The following MXRA5 variants were observed in gnomAD, a reference collection of about 807,000 sequenced individuals.
MXRA5 encodes matrix remodeling associated 5, also known as matrix-remodeling-associated protein 5.
Under a neutral mutation model 112.5 loss-of-function variants are expected in MXRA5, and 41 were observed. That is an observed-to-expected ratio of 0.36 (90% CI 0.28 to 0.47). MXRA5 has a LOEUF of 0.47. Ranked by LOEUF, MXRA5 falls within the 20% of genes least tolerant of loss-of-function variation. The pLI is 0.99. For missense variants in MXRA5, 2,150 were observed against 2,251.0 expected (o/e 0.96, Z 0.91); for synonymous variants, 862 against 900.8 (o/e 0.96, Z 0.77).
intron 4 of MXRA5, among the ~76,000 whole-genome samples, chrX:3,327,403 C>A (rs1377190490): frequency 8.9e-6 from 1 of 112,330 alleles, no homozygotes; most frequent in Non-Finnish European, 1.9e-5. Flanking sequence ...CCTTGGCCAG[C>A]TGAATTTCAT....
At position 3,317,756 on chromosome X, in the gene MXRA5, T is replaced by C. The variant is rs773282873; in HGVS notation, c.5925A>G (p.Lys1975=). 19 of 1,207,007 alleles carry C rather than the reference T, an allele frequency of 1.6e-5. No individual in the cohort carries two copies. In the South Asian group the frequency reaches 3.2e-4, roughly 20 times the overall value. The part of the protein sequence containing the change: ...GDTIAMECLA[K]GTPAPQISWI... ...AGGAAATTTGGGGGGCTGGGGTCCCTTTGGCCAGACACTCCATTGCAATGG... is the reference window on the plus strand; with the variant it reads ...AGGAAATTTGGGGGGCTGGGGTCCCCTTGGCCAGACACTCCATTGCAATGG... The change falls in exon 6 of 7, where the codon AAA becomes AAG. Residue 1975 remains lysine (K), a synonymous_variant. Coordinates refer to ENST00000217939, the MANE Select transcript of MXRA5 (RefSeq NM_015419.4).
Position 3,323,209 on chromosome X carries a change from G to T in MXRA5, c.2476C>A (p.Pro826Thr), listed in dbSNP as rs776248085. Residue 826 changes from proline (P) to threonine (T), a missense_variant, in exon 5 of 7, where the codon CCC (proline) becomes ACC (threonine). By Grantham distance (38) the Pro-to-Thr change is conservative. Transcript: ENST00000217939. Reference sequence around the variant, plus strand: ...GTCTGCACAGGAGATGCTGAGGGGGGAGAAATAGCAGGAAAAGGTGGTGTG... The same window carrying T: ...GTCTGCACAGGAGATGCTGAGGGGGTAGAAATAGCAGGAAAAGGTGGTGTG... Reference protein sequence around the residue: ...EVTPPFPAISPPSASPVQTVT... With the variant: ...EVTPPFPAISTPSASPVQTVT... The T allele has an allele frequency of 1.1e-5, 13 of 1,211,363 alleles. No homozygotes were observed. The highest frequency in any genetic ancestry group is 1.5e-5 in the Non-Finnish European group (13 of 895,307).
intron 2 of MXRA5, among the ~76,000 whole-genome samples, chrX:3,340,369 G>C (rs1921886349): frequency 9.0e-6 from 1 of 111,446 alleles, no homozygotes; most frequent in South Asian, 3.8e-4. Flanking sequence ...CAAGATGCCA[G>C]ACTCATTACC....
chrX:3,322,311 G>A lies in MXRA5; in HGVS notation c.3374C>T (p.Thr1125Ile), dbSNP rs1284898378. The A allele has an allele frequency of 1.7e-6, 2 of 1,210,803 alleles. No individual in the cohort carries two copies. The highest frequency in any genetic ancestry group is 1.7e-5 in the African/African-American group (1 of 57,659). Residue 1125 changes from threonine to isoleucine, a missense_variant, in exon 5 of 7, where the codon ACC (threonine) becomes ATC (isoleucine). By Grantham distance (89) the Thr-to-Ile change is moderately conservative (BLOSUM62 -1). This residue lies in a region of MXRA5 where 1,485 missense variants were observed against 1,471.6 expected (regional missense o/e 1.01). Transcript: ENST00000217939. ...CCTTGGTGTTGTTGTTGCTGTTGTGGTGTCTTTGTCTAGGAGGGTACCAAC... is the reference window on the plus strand; with the variant it reads ...CCTTGGTGTTGTTGTTGCTGTTGTGATGTCTTTGTCTAGGAGGGTACCAAC... ...TTVGTLLDKD[T>I]TTATTTPRQK...
intron 2 of MXRA5, among the ~76,000 whole-genome samples, chrX:3,342,393 T>C: frequency 8.9e-6 from 1 of 111,993 alleles, no homozygotes; most frequent in East Asian, 2.8e-4. Flanking sequence ...ACAAAACTAA[T>C]GGGCTTTAGC....
At position 3,317,260 on chromosome X, in the gene MXRA5, G is replaced by A. The variant is rs772595689; in HGVS notation, c.6421C>T (p.Arg2141Cys). 3 of 1,210,045 alleles carry A rather than the reference G, an allele frequency of 2.5e-6. No individual in the cohort carries two copies. The highest frequency in any genetic ancestry group is 3.4e-6 in the Non-Finnish European group (3 of 894,735). ...GTGATGCGCGCGTTGGCTGCTGCACGCTGCACGTTCAGCTGCACCGTCCTG... is the reference window on the plus strand; with the variant it reads ...GTGATGCGCGCGTTGGCTGCTGCACACTGCACGTTCAGCTGCACCGTCCTG... ...ARRTVQLNVQ[R>C]AAANARITGT... The change falls in exon 6 of 7, where the codon CGT (arginine) becomes TGT (cysteine). Residue 2141 changes from arginine (R) to cysteine (C), a missense_variant. By Grantham distance (180) the Arg-to-Cys change is radical (BLOSUM62 -3). This residue lies in a region of MXRA5 where 1,485 missense variants were observed against 1,471.6 expected (regional missense o/e 1.01). Coordinates refer to ENST00000217939, the MANE Select transcript of MXRA5 (RefSeq NM_015419.4).
At chrX:3,326,458 T>C (rs1921511920) in intron 4 of MXRA5, among the ~76,000 whole-genome samples, 1 of 103,520 alleles carries the variant, frequency 9.7e-6, no homozygotes, top group East Asian at 2.9e-4. Context: ...AAATTTGTAA[T>C]ATATAATTTA....
Position 3,311,256 on chromosome X carries a change from A to G in MXRA5, c.6947T>C (p.Met2316Thr), listed in dbSNP as rs1198465173. The G allele has an allele frequency of 2.5e-6, 3 of 1,211,258 alleles. No homozygotes were observed. The Admixed American group carries it at 6.5e-5, about 26-fold the overall frequency. The change falls in exon 7 of 7, where the codon ATG (methionine) becomes ACG (threonine). Residue 2316 changes from methionine (M) to threonine (T), a missense_variant. By Grantham distance (81) the Met-to-Thr change is moderately conservative. Coordinates refer to ENST00000217939, the MANE Select transcript of MXRA5 (RefSeq NM_015419.4). ...GCAGGTGTAGTCTCCTTCCTCCCTCATCCCCACTTCGTTAAAGTAGAGTGT... is the reference window on the plus strand; with the variant it reads ...GCAGGTGTAGTCTCCTTCCTCCCTCGTCCCCACTTCGTTAAAGTAGAGTGT... ...NGTLYFNEVG[M>T]REEGDYTCFA...
Position 3,324,072 on chromosome X carries a change from C to G in MXRA5, c.1613G>C (p.Gly538Ala). 1 of 1,206,068 alleles carries G rather than the reference C, an allele frequency of 8.3e-7. No homozygotes were observed. Among genetic ancestry groups the G allele is most frequent in the Non-Finnish European group, 1.1e-6 (1 of 892,546 alleles). The part of the protein sequence containing the change: ...PDSKFSILSS[G>A]WLRIKSMEPS... ...CTCCATGGACTTGATCCTCAGCCAGCCACTGCTGAGAATGGAGAACTTGCT... is the reference window on the plus strand; with the variant it reads ...CTCCATGGACTTGATCCTCAGCCAGGCACTGCTGAGAATGGAGAACTTGCT... The change falls in exon 5 of 7, where the codon GGC (glycine) becomes GCC (alanine). Residue 538 changes from glycine (G) to alanine (A), a missense_variant. Gly to Ala is a moderately conservative substitution (Grantham distance 60). Around this residue, in one of 6 missense-constraint regions of MXRA5, gnomAD observed 386 missense variants for 411.0 expected, o/e 0.94. Transcript: ENST00000217939.
rs868337287 is a variant in MXRA5, at chrX:3,311,153, G to A, written c.7050C>T (p.Asn2350=). The A allele has an allele frequency of 1.7e-6, 2 of 1,211,584 alleles. No individual in the cohort carries two copies. Among genetic ancestry groups the A allele is most frequent in the Middle Eastern group, 2.3e-4 (1 of 4,355 alleles). ...GCACCTGAACCGCCAAGTAAGTCTT[G>A]TTCCGGATGGTGGCGGGCGCTGTCA... is the stretch of plus-strand genomic sequence containing the variant. ...KVVTAPATIR[N]KTYLAVQVPY... Residue 2350 remains asparagine, a synonymous_variant, in exon 7 of 7, where the codon AAC becomes AAT. Transcript: ENST00000217939.
In MXRA5 at chrX:3,311,368, G is replaced by C. The variant is rs1406773286; in HGVS notation, c.6835C>G (p.Leu2279Val). ...GAGTTCACCAGACTCCCGTCTGGGA[G>C]GCTCCAGGAGATCTCGGGATTGGGA... ...GLPNPEISWS[L>V]PDGSLVNSFM... The change falls in exon 7 of 7, where the codon CTC becomes GTC. Residue 2279 changes from leucine to valine, a missense_variant. Transcript: ENST00000217939. 8.3e-7 allele frequency: 1 copy of C among 1,210,339 alleles called. No homozygotes were observed. Among genetic ancestry groups the C allele is most frequent in the African/African-American group, 1.7e-5 (1 of 57,279 alleles).
Position 3,342,418 on chromosome X carries a change from T to A in MXRA5, c.188+1228A>T, listed in dbSNP as rs763125330. 9.8e-5 allele frequency among the ~76,000 whole-genome samples: 11 copies of A among 112,132 alleles called. No individual in the cohort carries two copies. In the East Asian group the frequency reaches 2.8e-3, roughly 29 times the overall value. The stretch of plus-strand genomic sequence containing the variant: ...TGGGCTTTAGCACCTCTTCCCTTTT[T>A]CTTACTTCCATTACACAAGAAATGT... On this transcript the variant is annotated intron_variant, in intron 2 of 6. Coordinates refer to ENST00000217939, the MANE Select transcript of MXRA5 (RefSeq NM_015419.4).
chrX:3,313,144 C>T (rs1450584305), intron 6 of MXRA5, among the ~76,000 whole-genome samples: 1 of 112,464 alleles, frequency 8.9e-6, no homozygotes, highest in Non-Finnish European at 1.9e-5. Flanking sequence ...CTGAGGCTTC[C>T]ATTAACAGTG....
rs1168009056 is a variant in MXRA5 at position 3,311,638 on chromosome X, G to A, written c.6579-14C>T. On this transcript the variant is annotated splice_polypyrimidine_tract_variant and intron_variant, in intron 6 of 6. Coordinates refer to ENST00000217939, the MANE Select transcript of MXRA5 (RefSeq NM_015419.4). ...CTGCTATCAAAACTACAGAAAAAAA[G>A]AAAAAGGAGTAAGATGTCAGTTTCC... 15 of 1,176,667 alleles carry A rather than the reference G, an allele frequency of 1.3e-5. No individual in the cohort carries two copies. Among genetic ancestry groups the A allele is most frequent in the Middle Eastern group, 2.4e-4 (1 of 4,248 alleles).
chrX:3,340,172 A>G (rs1921882048), intron 2 of MXRA5, among the ~76,000 whole-genome samples: 1 of 112,205 alleles, frequency 8.9e-6, no homozygotes, highest in Non-Finnish European at 1.9e-5. Flanking sequence ...CCAAGCAGGA[A>G]ACAGCAATGC....
intron 2 of MXRA5, among the ~76,000 whole-genome samples, chrX:3,342,069 A>G (rs866281073): frequency 4.5e-5 from 5 of 110,911 alleles, no homozygotes; most frequent in Middle Eastern, 4.6e-3. Context: ...ATAAAAAGGA[A>G]GGAAATCGTG....
chrX:3,329,966 A>G, intron 4 of MXRA5, 52 bp downstream of exon 4: 1 of 1,145,686 alleles, frequency 8.7e-7, no homozygotes, highest in Non-Finnish European at 1.2e-6. Context: ...AACGTCTCCA[A>G]AAAGATAAAA....
intron 4 of MXRA5, among the ~76,000 whole-genome samples, chrX:3,326,432 C>T (rs1921511128): frequency 2.0e-5 from 2 of 99,366 alleles, no homozygotes; most frequent in South Asian, 4.5e-4. Flanking sequence ...ATATTTATAA[C>T]TCTCTGCATA....
chrX:3,334,094 A>G (rs1260149155), intron 2 of MXRA5, among the ~76,000 whole-genome samples: 2 of 111,663 alleles, frequency 1.8e-5, no homozygotes, highest in African/African-American at 6.5e-5. Context: ...CCATCCTCCT[A>G]CTTCAGCCTT....
Sources: gnomAD v4.1 joint callset for allele counts (sites outside exome capture counted in the v4.1 genomes callset) on GRCh38, gnomAD v4.1.1 for gene constraint, gnomAD v4.1.1 regional missense constraint, MANE v1.5 for transcripts, NCBI Gene and HGNC (gene_info 2026-07-23, HGNC 2026-07-21) for gene names.